Variants in IGFL2 observed in about 807,000 individuals in gnomAD.
The protein encoded by IGFL2 is IGF like family member 2.
In IGFL2, 7 loss-of-function variants were observed where a neutral mutation model predicts 13.9. The observed-to-expected ratio is 0.51, with a 90% CI of 0.29 to 0.95. IGFL2 has a LOEUF of 0.95. Ranked by LOEUF, IGFL2 falls within the 40% of genes least tolerant of loss-of-function variation. IGFL2 has a pLI of 0.08. For missense variants in IGFL2, 138 were observed against 147.8 expected (o/e 0.93, Z 0.34); for synonymous variants, 55 against 55.8 (o/e 0.99, Z 0.07).
chr19:46,087,683 G>T, the IGFL2 span, among the ~76,000 whole-genome samples: 1 of 152,264 alleles, frequency 6.6e-6, no homozygotes, highest in Admixed American at 6.5e-5. Flanking sequence ...CCCTGCAGTA[G>T]CCTGCAAGTG....
chr19:46,113,522 C>T, the IGFL2 span: 1 of 344,288 alleles, frequency 2.9e-6, no homozygotes, highest in Non-Finnish European at 5.9e-6. Flanking sequence ...TATCTTTAAC[C>T]TCAGTTGTCA....
At chr19:46,114,094 A>G in the IGFL2 span, among the ~76,000 whole-genome samples, 1 of 152,212 alleles carries the variant, frequency 6.6e-6, no homozygotes, top group Non-Finnish European at 1.5e-5. Flanking sequence ...GTAACAATCC[A>G]GGAAACTAAA....
At chr19:46,082,048 T>C in the IGFL2 span, among the ~76,000 whole-genome samples, 1 of 152,262 alleles carries the variant, frequency 6.6e-6, no homozygotes, top group Admixed American at 6.5e-5. Context: ...TAGCAGAGTA[T>C]ACACTTCTAC....
chr19:46,194,547 C>G, the IGFL2 span, among the ~76,000 whole-genome samples: 2 of 152,108 alleles, frequency 1.3e-5, no homozygotes, highest in African/African-American at 4.8e-5. Flanking sequence ...AAGGGCCGGA[C>G]ACGGTGGCTC....
At chr19:46,165,528 G>A (rs1300200176), downstream of IGFL2, among the ~76,000 whole-genome samples, 3 of 151,890 alleles carry the variant, frequency 2.0e-5, no homozygotes, top group Non-Finnish European at 2.9e-5. Context: ...ACTAGCACAG[G>A]GAGCACATTA....
At chr19:46,131,595 G>T in the IGFL2 span, among the ~76,000 whole-genome samples, 1 of 152,182 alleles carries the variant, frequency 6.6e-6, no homozygotes, top group East Asian at 1.9e-4. Context: ...TTAATTTTAC[G>T]TAAACATGCT....
At chr19:46,137,661 C>T in the IGFL2 span, 526 of 638,716 alleles carry the variant, frequency 8.2e-4, 4 homozygotes, top group African/African-American at 7.5e-3. Context: ...GACACCTATG[C>T]GGCCAGTGTG....
At chr19:46,177,864 G>A in the IGFL2 span, among the ~76,000 whole-genome samples, 1 of 152,170 alleles carries the variant, frequency 6.6e-6, no homozygotes, top group African/African-American at 2.4e-5. Flanking sequence ...TGGCCAAGGT[G>A]ACCCAAGAGA....
the IGFL2 span, among the ~76,000 whole-genome samples, chr19:46,167,187 G>A: frequency 6.6e-6 from 1 of 152,218 alleles, no homozygotes; most frequent in African/African-American, 2.4e-5. Flanking sequence ...ACGTTCTTCT[G>A]TCATGGCTTC....
chr19:46,140,253 A>G (rs920310206), upstream of IGFL2, among the ~76,000 whole-genome samples: 5 of 151,490 alleles, frequency 3.3e-5, no homozygotes, highest in African/African-American at 7.3e-5. Context: ...GCCTATATAT[A>G]TATATATATA....
At chr19:46,113,444 G>T in the IGFL2 span, 1 of 391,340 alleles carries the variant, frequency 2.6e-6, no homozygotes, top group Non-Finnish European at 5.2e-6. Context: ...TGGAATCCAC[G>T]TAGATATCCA....
intron 1 of IGFL2, among the ~76,000 whole-genome samples, chr19:46,150,974 A>G (rs1028790512): frequency 2.2e-4 from 33 of 152,128 alleles, no homozygotes; most frequent in African/African-American, 6.5e-4. Context: ...CCCACAATAC[A>G]CTATTATTTA....
chr19:46,160,666 C>T lies in IGFL2; in HGVS notation c.126C>T (p.Asp42=). Residue 42 remains aspartate, a synonymous_variant, in exon 3 of 4, where the codon GAC becomes GAT. Coordinates refer to ENST00000377693, the MANE Select transcript of IGFL2 (RefSeq NM_001135113.2). ...GCCAGCCGGCACCCAGGTGTGGAGA[C>T]AAGATCTACAACCCCTTGGAGCAGT... The part of the protein sequence containing the change: ...WLCQPAPRCG[D]KIYNPLEQCC... 1 of 1,614,214 alleles carries T rather than the reference C, an allele frequency of 6.2e-7. No individual in the cohort carries two copies. Among genetic ancestry groups the T allele is most frequent in the Non-Finnish European group, 8.5e-7 (1 of 1,180,030 alleles).
the IGFL2 span, among the ~76,000 whole-genome samples, chr19:46,206,127 G>A: frequency 6.6e-6 from 1 of 152,136 alleles, no homozygotes; most frequent in African/African-American, 2.4e-5. Flanking sequence ...TGCTGAGAGA[G>A]GGACTCTTGC....
the IGFL2 span, among the ~76,000 whole-genome samples, chr19:46,201,061 C>T: frequency 6.6e-6 from 1 of 152,188 alleles, no homozygotes; most frequent in Non-Finnish European, 1.5e-5. Flanking sequence ...ACTACTCTTT[C>T]CTGAACTGCA....
At chr19:46,174,383 C>T in the IGFL2 span, among the ~76,000 whole-genome samples, 7 of 152,158 alleles carry the variant, frequency 4.6e-5, no homozygotes, top group East Asian at 7.7e-4. Flanking sequence ...AGATCTGACA[C>T]GAGATTACAA....
At chr19:46,127,734 A>C in the IGFL2 span, among the ~76,000 whole-genome samples, 1 of 152,128 alleles carries the variant, frequency 6.6e-6, no homozygotes, top group Non-Finnish European at 1.5e-5. Flanking sequence ...GACTGCATGC[A>C]ATTTCTTTTT....
the IGFL2 span, among the ~76,000 whole-genome samples, chr19:46,193,695 T>C: frequency 6.6e-6 from 1 of 152,210 alleles, no homozygotes; most frequent in Admixed American, 6.5e-5. Flanking sequence ...TACCTCAAAC[T>C]GCAAAACTTA....
chr19:46,118,139 A>G, the IGFL2 span, among the ~76,000 whole-genome samples: 1 of 152,234 alleles, frequency 6.6e-6, no homozygotes, highest in Non-Finnish European at 1.5e-5. Flanking sequence ...AGAGAAGTTT[A>G]GTGTTCATAA....
Sources: gnomAD v4.1 joint callset for allele counts (sites outside exome capture counted in the v4.1 genomes callset) on GRCh38, gnomAD v4.1.1 for gene constraint, MANE v1.5 for transcripts, NCBI Gene and HGNC (gene_info 2026-07-23, HGNC 2026-07-21) for gene names.